INPP5K: variants seen among roughly 807,000 people sequenced by gnomAD.
INPP5K encodes the protein inositol polyphosphate-5-phosphatase K, also known as inositol polyphosphate 5-phosphatase K.
Under a neutral mutation model 53.5 loss-of-function variants are expected in INPP5K, and 35 were observed. The observed-to-expected ratio is 0.65, with a 90% CI of 0.50 to 0.87. The LOEUF (loss-of-function observed/expected upper bound fraction) is 0.87. Ranked by LOEUF, INPP5K falls within the 40% of genes least tolerant of loss-of-function variation. INPP5K has a pLI of 0.00. For synonymous variants in INPP5K, 253 were observed against 232.8 expected, an observed-to-expected ratio of 1.09 and a Z score of -0.79; for missense variants, 550 against 586.2, an observed-to-expected ratio of 0.94 and a Z score of 0.64.
At chr17:1,507,544 C>T (rs1331245429) in intron 6 of INPP5K, 4 of 149,604 alleles carry the variant, frequency 2.7e-5, no homozygotes, top group Non-Finnish European at 4.4e-5. Flanking sequence ...TATTCTTCTT[C>T]TTTTTTTTTT....
At chr17:1,509,944 C>CA in intron 3 of INPP5K, 145 bp from the exon 4 acceptor site, 1 of 587,882 alleles carries the variant, frequency 1.7e-6, no homozygotes, top group South Asian at 2.3e-5. Flanking sequence ...GTTTGAATCT[C>CA]AGAGTTTCAA....
Position 1,509,774 on chromosome 17 carries a change from A to C in INPP5K, c.287T>G (p.Ile96Ser). 2 of 1,613,110 alleles carry C rather than the reference A, an allele frequency of 1.2e-6. No homozygotes were observed. The highest frequency in any genetic ancestry group is 1.7e-6 in the Non-Finnish European group (2 of 1,179,314). Residue 96 changes from isoleucine (I) to serine (S), a missense_variant, in exon 4 of 12, where the codon ATC (isoleucine) becomes AGC (serine). Ile to Ser is a moderately radical substitution (Grantham distance 142, BLOSUM62 -2). Coordinates refer to ENST00000421807, the MANE Select transcript of INPP5K (RefSeq NM_016532.4). ...IKVSHVRMQG[I>S]LLLVFAKYQH... ...ATACTTGGCAAAGACCAGTAAGAGGATCCCCTGCATACGGACATGGGAGAC... is the reference window on the plus strand; with the variant it reads ...ATACTTGGCAAAGACCAGTAAGAGGCTCCCCTGCATACGGACATGGGAGAC...
At chr17:1,500,666 T>A (rs1310889171) in intron 7 of INPP5K, among the ~76,000 whole-genome samples, 2 of 151,990 alleles carry the variant, frequency 1.3e-5, no homozygotes, top group Non-Finnish European at 2.9e-5. Flanking sequence ...GCCCGGCCAC[T>A]GAAACATTTT....
intron 7 of INPP5K, among the ~76,000 whole-genome samples, chr17:1,500,959 T>C (rs1053758741): frequency 8.2e-5 from 9 of 109,224 alleles, no homozygotes; most frequent in African/African-American, 3.3e-4. Context: ...ATTCAACTGC[T>C]TTTTTTTTTT....
chr17:1,507,176 C>T (rs753243673), intron 6 of INPP5K, 87 bp from the exon 7 acceptor site: 18 of 956,338 alleles, frequency 1.9e-5, no homozygotes, highest in South Asian at 2.9e-5. Flanking sequence ...CAGCACATGC[C>T]GTCACAAATG....
chr17:1,500,587 G>C lies in INPP5K; in HGVS notation c.777-2465C>G, dbSNP rs138022765. Reference sequence around the variant, plus strand: ...TCACCGCATTAGCCAGGATGGTCTTGATCTCCTGACCTCGTGATCTGCTCG... The same window carrying C: ...TCACCGCATTAGCCAGGATGGTCTTCATCTCCTGACCTCGTGATCTGCTCG... On this transcript the variant is annotated intron_variant, in intron 7 of 11. Transcript: ENST00000421807. Among the ~76,000 whole-genome samples, 1,023 of 152,154 alleles carry C rather than the reference G, an allele frequency of 6.7e-3. 19 individuals are homozygous for C. Among genetic ancestry groups the C allele is most frequent in the African/African-American group, 0.023 (958 of 41,438 alleles).
In INPP5K at chr17:1,516,468, C is replaced by T. The variant is rs766695932; in HGVS notation, c.32G>A (p.Gly11Asp). 4 of 1,590,396 alleles carry T rather than the reference C, an allele frequency of 2.5e-6. No individual in the cohort carries two copies. The highest frequency in any genetic ancestry group is 3.4e-6 in the Non-Finnish European group (4 of 1,176,548). MSSRKLSGPKGRRLSIHVVTW... is the reference protein window; with the variant it reads MSSRKLSGPKDRRLSIHVVTW... ...AGGGTGCCCTCACCTGAGCCTCCTG[C>T]CTTTCGGCCCGCTCAGCTTCCGCGA... The change falls in exon 1 of 12, where the codon GGC becomes GAC. Residue 11 changes from glycine to aspartate, a missense_variant. Gly to Asp is a moderately conservative substitution (Grantham distance 94). Coordinates refer to ENST00000421807, the MANE Select transcript of INPP5K (RefSeq NM_016532.4).
In INPP5K at chr17:1,495,581, G is replaced by T. The variant is rs2074808211; in HGVS notation, c.*242C>A. ...GAACTGTCCCCAGGTCTTCACTGTT[G>T]ACACACTAGCTGGTTTCACTCACAT... On this transcript the variant is annotated 3_prime_UTR_variant, in exon 12 of 12. Transcript: ENST00000421807. The T allele has an allele frequency of 3.8e-6, 2 of 523,496 alleles. No homozygotes were observed. The highest frequency in any genetic ancestry group is 3.7e-5 in the Admixed American group (1 of 27,376). 32.4% of individuals were successfully genotyped at this position (523,496 alleles called of 1,614,324 possible).
At chr17:1,514,816 T>C (rs2075395353) in intron 1 of INPP5K, among the ~76,000 whole-genome samples, 1 of 151,158 alleles carries the variant, frequency 6.6e-6, no homozygotes, top group Non-Finnish European at 1.5e-5. Context: ...ATTTAAAAAA[T>C]AAAAGAGATA....
In INPP5K at chr17:1,495,779, G is replaced by A. The variant is rs192947048; in HGVS notation, c.*44C>T. 3.1e-5 allele frequency: 47 copies of A among 1,493,196 alleles called. 1 individual carries two copies. Among genetic ancestry groups the A allele is most frequent in the African/African-American group, 2.3e-4 (17 of 72,526 alleles). 92.5% of individuals were successfully genotyped at this position (1,493,196 alleles called of 1,614,324 possible). A position where few individuals can be genotyped will look rare whatever the true frequency, so the allele number is the denominator to read the frequency against. On this transcript the variant is annotated 3_prime_UTR_variant, in exon 12 of 12. Transcript: ENST00000421807. Reference sequence around the variant, plus strand: ...TCCCGGCAGTGGAAAGGCAGAGCTGGCTGCCAGCTCTGGCCTCCGCCTGGG... The same window carrying A: ...TCCCGGCAGTGGAAAGGCAGAGCTGACTGCCAGCTCTGGCCTCCGCCTGGG...
At chr17:1,509,900 T>C (rs2075267686) in intron 3 of INPP5K, 101 bp from the exon 4 acceptor site, 5 of 687,836 alleles carry the variant, frequency 7.3e-6, no homozygotes, top group Non-Finnish European at 2.6e-6. Context: ...CTCAGCTACA[T>C]GCAGTGTCCT....
At chr17:1,496,635 T>C (rs1035354739) in intron 9 of INPP5K, 31 bp downstream of exon 9, 1 of 1,612,694 alleles carries the variant, frequency 6.2e-7, no homozygotes, top group Non-Finnish European at 8.5e-7. Context: ...GGGCTGTCGC[T>C]GATGGACTTC....
intron 7 of INPP5K, 49 bp from the exon 8 acceptor site, chr17:1,498,171 G>C (rs1047712282): frequency 6.6e-7 from 1 of 1,506,368 alleles, no homozygotes; most frequent in Admixed American, 1.8e-5. Context: ...AGAAGAAAGG[G>C]TTGGCTAAGA....
intron 3 of INPP5K, 36 bp from the exon 4 acceptor site, chr17:1,509,835 C>A (rs1429439648): frequency 8.3e-6 from 11 of 1,321,408 alleles, no homozygotes; most frequent in Non-Finnish European, 1.1e-5. Context: ...GCTCATTAAA[C>A]CACACAGGCC....
chr17:1,507,814 G>A (rs2075197589), intron 6 of INPP5K: 1 of 232,176 alleles, frequency 4.3e-6, no homozygotes, highest in African/African-American at 2.3e-5. Context: ...CAGAGTGCTG[G>A]AATTACAGGC....
At chr17:1,506,411 T>C (rs2075156100) in intron 7 of INPP5K, among the ~76,000 whole-genome samples, 1 of 152,214 alleles carries the variant, frequency 6.6e-6, no homozygotes, top group Non-Finnish European at 1.5e-5. Context: ...ATGAGGTGTG[T>C]GCTCTTCTCA....
intron 10 of INPP5K, 42 bp downstream of exon 10, chr17:1,496,277 C>T (rs1228245323): frequency 6.5e-7 from 1 of 1,529,906 alleles, no homozygotes; most frequent in African/African-American, 1.4e-5. Flanking sequence ...AGTGCTGAGG[C>T]AGGCCTGCCT....
chr17:1,510,676 G>A (rs1196783292), intron 3 of INPP5K, among the ~76,000 whole-genome samples: 1 of 152,164 alleles, frequency 6.6e-6, no homozygotes, highest in African/African-American at 2.4e-5. Flanking sequence ...TACCAGGCTG[G>A]AGTGCAGTGG....
Position 1,508,175 on chromosome 17 carries a change from C to T in INPP5K, c.606G>A (p.Leu202=). ...DMNFRIEDFG[L]HFVRESIKNR... ...TTTTAATGGATTCCCGAACAAAGTG[C>T]AACCCAAAGTCCTCGATCCGAAAGT... Residue 202 remains leucine, a synonymous_variant, in exon 6 of 12, where the codon TTG becomes TTA. Coordinates refer to ENST00000421807, the MANE Select transcript of INPP5K (RefSeq NM_016532.4). 1 of 1,614,104 alleles carries T rather than the reference C, an allele frequency of 6.2e-7. No individual in the cohort carries two copies. Among genetic ancestry groups the T allele is most frequent in the Non-Finnish European group, 8.5e-7 (1 of 1,180,002 alleles).
Sources: gnomAD v4.1 joint callset for allele counts (sites outside exome capture counted in the v4.1 genomes callset) on GRCh38, gnomAD v4.1.1 for gene constraint, MANE v1.5 for transcripts, NCBI Gene and HGNC (gene_info 2026-07-23, HGNC 2026-07-21) for gene names.